Variants in PRSS23 observed in about 807,000 individuals in gnomAD.
PRSS23 encodes protease, serine 23.
Under a neutral mutation model 34.7 loss-of-function variants are expected in PRSS23, and 25 were observed. That is an observed-to-expected ratio of 0.72 (90% CI 0.53 to 1.01). PRSS23 has a LOEUF of 1.01. Ranked by LOEUF, PRSS23 falls within the 50% of genes least tolerant of loss-of-function variation. The pLI is 0.00. For synonymous variants in PRSS23, 176 were observed against 186.6 expected (o/e 0.94, Z 0.46); for missense variants, 445 against 475.6 (o/e 0.94, Z 0.60).
At chr11:86,834,402 C>T (rs114239384) in intron 2 of PRSS23, among the ~76,000 whole-genome samples, 3,529 of 152,134 alleles carry the variant, frequency 0.023, 147 homozygotes, top group African/African-American at 0.08. Context: ...TTGGTTTTCC[C>T]GAGGGGATTA....
chr11:86,812,588 G>A (rs1948186403), downstream of PRSS23, among the ~76,000 whole-genome samples: 1 of 151,934 alleles, frequency 6.6e-6, no homozygotes, highest in Non-Finnish European at 1.5e-5. Flanking sequence ...AGGAGCTCCA[G>A]ACCAGCCCTG....
intron 2 of PRSS23, chr11:86,951,195 T>C (rs544964220): frequency 1.2e-6 from 2 of 1,613,834 alleles, no homozygotes; most frequent in Non-Finnish European, 1.7e-6. Flanking sequence ...TTTCCTCTCT[T>C]CTCTCTCTTT....
At chr11:86,829,913 C>T (rs1307419631) in intron 2 of PRSS23, among the ~76,000 whole-genome samples, 10 of 152,174 alleles carry the variant, frequency 6.6e-5, no homozygotes, top group Admixed American at 6.5e-4. Flanking sequence ...GGGGTGCCTC[C>T]CAGTTAGGCT....
chr11:86,827,344 C>T (rs886515256), intron 2 of PRSS23, among the ~76,000 whole-genome samples: 1 of 152,142 alleles, frequency 6.6e-6, no homozygotes, highest in Non-Finnish European at 1.5e-5. Context: ...GTGATATCTC[C>T]TTTATCATTT....
At chr11:86,851,009 C>G (rs1403378128) in intron 2 of PRSS23, among the ~76,000 whole-genome samples, 1 of 152,202 alleles carries the variant, frequency 6.6e-6, no homozygotes. Context: ...TACTTTCACA[C>G]CAATTCTTTG....
chr11:86,802,466 TCA>T (rs1948051515), intron 1 of PRSS23, among the ~76,000 whole-genome samples: 1 of 152,224 alleles, frequency 6.6e-6, no homozygotes, highest in Admixed American at 6.5e-5. Context: ...TGCAGAGTAT[TCA>T]CAGAGCTTGG....
chr11:86,834,277 T>C (rs1045833634), intron 2 of PRSS23, among the ~76,000 whole-genome samples: 19 of 152,294 alleles, frequency 1.2e-4, no homozygotes, highest in African/African-American at 3.6e-4. Context: ...GTAATTTTCA[T>C]TGGTTAGCTG....
At chr11:86,826,227 A>C (rs557426365) in intron 2 of PRSS23, among the ~76,000 whole-genome samples, 158 of 151,476 alleles carry the variant, frequency 1.0e-3, no homozygotes, top group African/African-American at 3.5e-3. Flanking sequence ...TAGGTATTTT[A>C]TTCTCTTTGA....
At chr11:86,899,179 G>T (rs2134981661) in intron 2 of PRSS23, among the ~76,000 whole-genome samples, 1 of 152,150 alleles carries the variant, frequency 6.6e-6, no homozygotes, top group East Asian at 1.9e-4. Flanking sequence ...CACTCATGGT[G>T]CACTGCTAGG....
intron 2 of PRSS23, among the ~76,000 whole-genome samples, chr11:86,903,214 G>T (rs1371492429): frequency 1.3e-5 from 2 of 152,112 alleles, no homozygotes; most frequent in African/African-American, 4.8e-5. Context: ...ATTAAGGGAT[G>T]GATGTCTAGT....
Position 86,800,608 on chromosome 11 carries a change from G to T in PRSS23, c.-57G>T, listed in dbSNP as rs1461597576. 1.0e-6 allele frequency: 1 copy of T among 985,060 alleles called. No individual in the cohort carries two copies. The highest frequency in any genetic ancestry group is 1.7e-5 in the African/African-American group (1 of 57,208). 61.0% of individuals were successfully genotyped at this position (985,060 alleles called of 1,614,324 possible). On this transcript the variant is annotated 5_prime_UTR_variant, in exon 1 of 2. It removes the in-frame stop codon of an upstream open reading frame in the 5' UTR. Coordinates refer to ENST00000280258, the MANE Select transcript of PRSS23 (RefSeq NM_007173.6). ...TCTCTCCCGGCGCCCACACCTGTCT[G>T]AGCGGCGCAGCGAGCCGCGGCCCGG...
chr11:86,847,270 G>GGACCGCATAAAGTGGGCCTTAGC (rs1948493520), intron 2 of PRSS23, among the ~76,000 whole-genome samples: 1 of 152,196 alleles, frequency 6.6e-6, no homozygotes, highest in Non-Finnish European at 1.5e-5. Flanking sequence ...TTTATGGCCA[G>GGACCGCATAAAGTGGGCCTTAGC]GACCGCATAA....
chr11:86,831,911 G>T (rs1249470651), intron 2 of PRSS23, among the ~76,000 whole-genome samples: 2 of 151,796 alleles, frequency 1.3e-5, no homozygotes, highest in Non-Finnish European at 2.9e-5. Flanking sequence ...CAATATTCCG[G>T]AATGATGTTA....
chr11:86,802,205 C>A (rs1948048227), intron 1 of PRSS23, among the ~76,000 whole-genome samples: 1 of 152,154 alleles, frequency 6.6e-6, no homozygotes, highest in South Asian at 2.1e-4. Flanking sequence ...CTCATGTTCT[C>A]AATATTAGCA....
chr11:86,896,555 C>A (rs1011250365), intron 2 of PRSS23: 1 of 152,206 alleles, frequency 6.6e-6, no homozygotes, highest in Non-Finnish European at 1.5e-5. Context: ...ATGATAGAAA[C>A]CCTTTTTGTA....
At chr11:86,898,614 G>A (rs1167416291) in intron 2 of PRSS23, among the ~76,000 whole-genome samples, 1 of 152,162 alleles carries the variant, frequency 6.6e-6, no homozygotes, top group Non-Finnish European at 1.5e-5. Context: ...TCCTTCATGG[G>A]TCCCTGTCCT....
Position 86,808,081 on chromosome 11 carries a change from C to G in PRSS23, c.438C>G (p.Leu146=). The change falls in exon 2 of 2, where the codon CTC becomes CTG. Residue 146 remains leucine (L), a synonymous_variant. Transcript: ENST00000280258. ...GCATTTTTGGGAAGGACTTCCTGCT[C>G]AACTACCCTTTCTCAACATCAGTGA... ...RFSIFGKDFL[L]NYPFSTSVKL... 1 of 1,614,114 alleles carries G rather than the reference C, an allele frequency of 6.2e-7. No individual in the cohort carries two copies. The highest frequency in any genetic ancestry group is 1.7e-5 in the Admixed American group (1 of 60,014).
At chr11:86,912,641 T>C (rs1948985365) in intron 2 of PRSS23, among the ~76,000 whole-genome samples, 1 of 152,196 alleles carries the variant, frequency 6.6e-6, no homozygotes, top group South Asian at 2.1e-4. Flanking sequence ...TTTTTTTAAT[T>C]TCTATTTCTC....
exon 3 of PRSS23, chr11:86,952,033 G>A: frequency 6.2e-7 from 1 of 1,614,090 alleles, no homozygotes; most frequent in Non-Finnish European, 8.5e-7. Context: ...AATCGATCAG[G>A]AAGGTCAGTA....
Sources: allele counts gnomAD v4.1 joint callset (sites outside exome capture counted in the v4.1 genomes callset), GRCh38; gene constraint gnomAD v4.1.1; transcripts MANE v1.5; gene names NCBI Gene and HGNC (gene_info 2026-07-23, HGNC 2026-07-21).